The following MTUS2 variants were observed in gnomAD, a reference collection of about 807,000 sequenced individuals.
MTUS2 encodes microtubule-associated tumor suppressor candidate 2.
A neutral mutation model predicts 114.1 loss-of-function variants in MTUS2; 40 were observed. The observed-to-expected ratio is 0.35, with a 90% CI of 0.27 to 0.46. The LOEUF (loss-of-function observed/expected upper bound fraction) is 0.46. Ranked by LOEUF, MTUS2 falls within the 20% of genes least tolerant of loss-of-function variation. The probability of loss-of-function intolerance (pLI) is 1.00; values close to 1 mark genes in which losing one functional copy is unlikely to be tolerated. For synonymous variants in MTUS2, 688 were observed against 672.0 expected (o/e 1.02, Z -0.37); for missense variants, 1,679 against 1,705.4 (o/e 0.98, Z 0.27).
chr13:29,056,948 A>G (rs1354486559), intron 4 of MTUS2, among the ~76,000 whole-genome samples: 1 of 151,884 alleles, frequency 6.6e-6, no homozygotes, highest in Non-Finnish European at 1.5e-5. Context: ...GGTCTTTAGC[A>G]CTGTACATTT....
chr13:29,450,117 A>G (rs746886038), intron 9 of MTUS2, among the ~76,000 whole-genome samples: 1 of 152,216 alleles, frequency 6.6e-6, no homozygotes, highest in Non-Finnish European at 1.5e-5. Flanking sequence ...GGAATGAACA[A>G]AGAAGCAGAG....
intron 4 of MTUS2, among the ~76,000 whole-genome samples, chr13:29,049,830 C>G (rs775653285): frequency 2.0e-5 from 3 of 152,208 alleles, no homozygotes; most frequent in Non-Finnish European, 4.4e-5. Flanking sequence ...TTACAATAGT[C>G]AACCAGTGAG....
At chr13:28,886,048 A>T (rs1419274330) in intron 2 of MTUS2, among the ~76,000 whole-genome samples, 1 of 152,082 alleles carries the variant, frequency 6.6e-6, no homozygotes, top group Non-Finnish European at 1.5e-5. Flanking sequence ...CAAGCCCCAG[A>T]TTGGAATGTG....
chr13:29,368,554 T>C (rs560846313), intron 8 of MTUS2, among the ~76,000 whole-genome samples: 6 of 152,300 alleles, frequency 3.9e-5, no homozygotes, highest in East Asian at 1.9e-4. Flanking sequence ...AATTCCCTGA[T>C]TGGATCATTA....
intron 4 of MTUS2, among the ~76,000 whole-genome samples, chr13:29,092,418 G>A (rs1348706807): frequency 2.6e-5 from 4 of 152,178 alleles, no homozygotes; most frequent in Non-Finnish European, 5.9e-5. Flanking sequence ...CGCTGGGTGG[G>A]TGACCACTTG....
intron 5 of MTUS2, among the ~76,000 whole-genome samples, chr13:29,168,034 A>C (rs1240132308): frequency 6.6e-6 from 1 of 152,246 alleles, no homozygotes; most frequent in African/African-American, 2.4e-5. Flanking sequence ...AAATTATATC[A>C]GCTGACATTT....
rs547368740 is a variant in MTUS2, at chr13:29,176,454, T to C, written c.2644+75484T>C. Among the ~76,000 whole-genome samples the C allele has an allele frequency of 7.4e-4, 112 of 152,284 alleles. 1 individual carries two copies. In the Middle Eastern group the frequency reaches 0.014, roughly 18 times the overall value. On this transcript the variant is annotated intron_variant, in intron 5 of 15. Transcript: ENST00000612955. ...TGGAGCAGGTGCTATCTCGTGCGGC[T>C]CACAGAGCCTGTCCAGGGTCTTAGT...
At chr13:29,154,718 T>G (rs1387033624) in intron 5 of MTUS2, among the ~76,000 whole-genome samples, 1 of 152,226 alleles carries the variant, frequency 6.6e-6, no homozygotes, top group Non-Finnish European at 1.5e-5. Flanking sequence ...TTTGACAGAT[T>G]TATACCTCTT....
Position 29,101,053 on chromosome 13 carries a change from T to C in MTUS2, c.2644+83T>C, listed in dbSNP as rs1890398612. Reference sequence around the variant, plus strand: ...GTAACTGTGTGTCATTTTCTTTGCATGATTATTTAAGAATTTGCATCACCT... The same window carrying C: ...GTAACTGTGTGTCATTTTCTTTGCACGATTATTTAAGAATTTGCATCACCT... On this transcript the variant is annotated intron_variant, in intron 5 of 15. Transcript: ENST00000612955. The C allele has an allele frequency of 2.2e-6, 3 of 1,370,862 alleles. No homozygotes were observed. In the East Asian group the frequency reaches 7.6e-5, roughly 35 times the overall value. 84.9% of individuals were successfully genotyped at this position (1,370,862 alleles called of 1,614,324 possible). A position where few individuals can be genotyped will look rare whatever the true frequency, so the allele number is the denominator to read the frequency against.
chr13:29,350,098 T>C (rs1334891078), intron 7 of MTUS2, among the ~76,000 whole-genome samples: 2 of 152,108 alleles, frequency 1.3e-5, no homozygotes, highest in Non-Finnish European at 2.9e-5. Context: ...ATAGTTTCTC[T>C]TGCTATATCT....
intron 2 of MTUS2, among the ~76,000 whole-genome samples, chr13:28,848,106 A>G (rs1343150550): frequency 6.6e-6 from 1 of 150,664 alleles, no homozygotes; most frequent in Non-Finnish European, 1.5e-5. Context: ...GTTCAGGGAT[A>G]TATATATATA....
chr13:28,945,194 T>TATATATATACACAC (rs1555276495), intron 2 of MTUS2, among the ~76,000 whole-genome samples: 1 of 151,000 alleles, frequency 6.6e-6, no homozygotes, highest in African/African-American at 2.5e-5. Flanking sequence ...TATATATATA[T>TATATATATACACAC]ACACCACATT....
At chr13:29,429,769 G>A (rs1482546537) in intron 8 of MTUS2, among the ~76,000 whole-genome samples, 5 of 152,170 alleles carry the variant, frequency 3.3e-5, no homozygotes, top group African/African-American at 9.7e-5. Flanking sequence ...TCCTACTCAT[G>A]TGGACATCAG....
chr13:29,034,016 A>G lies in MTUS2; in HGVS notation c.2337A>G (p.Pro779=), dbSNP rs1437530451. 3.7e-6 allele frequency: 6 copies of G among 1,613,976 alleles called. No homozygotes were observed. Among genetic ancestry groups the G allele is most frequent in the South Asian group, 1.1e-5 (1 of 91,070 alleles). Residue 779 remains proline, a synonymous_variant, in exon 4 of 16, where the codon CCA becomes CCG. Coordinates refer to ENST00000612955, the MANE Select transcript of MTUS2 (RefSeq NM_001033602.4). ...GATTGGGTGCAATGTCCCGTTTACC[A>G]TCTGCAAAGAGCAGGATTCTGATTG... The part of the protein sequence containing the change: ...QLGLGAMSRL[P]SAKSRILIAS...
At chr13:29,225,553 A>G (rs1009996993) in intron 5 of MTUS2, among the ~76,000 whole-genome samples, 1 of 152,216 alleles carries the variant, frequency 6.6e-6, no homozygotes, top group African/African-American at 2.4e-5. Flanking sequence ...TTTAAGAAAG[A>G]TGATTAGAAA....
At chr13:29,294,805 A>G (rs1898870537) in intron 6 of MTUS2, among the ~76,000 whole-genome samples, 1 of 152,250 alleles carries the variant, frequency 6.6e-6, no homozygotes, top group African/African-American at 2.4e-5. Context: ...GATCAGTCAC[A>G]CATACACACA....
chr13:29,442,672 T>C (rs1877979135), intron 9 of MTUS2, among the ~76,000 whole-genome samples: 1 of 149,426 alleles, frequency 6.7e-6, no homozygotes, highest in Admixed American at 6.7e-5. Flanking sequence ...TCGGAAGTAT[T>C]GATAGAAGAA....
In MTUS2 at chr13:29,375,558, C is replaced by T. The variant is rs1190808802; in HGVS notation, c.3117+16085C>T. On this transcript the variant is annotated intron_variant, in intron 8 of 15. Coordinates refer to ENST00000612955, the MANE Select transcript of MTUS2 (RefSeq NM_001033602.4). ...ATATACGTGTATATATATATATATA[C>T]GTATATATATATATACATATATATA... Among the ~76,000 whole-genome samples the T allele has an allele frequency of 1.4e-3, 5 of 3,500 alleles. No individual in the cohort carries two copies. In the East Asian group the frequency reaches 0.025, roughly 18 times the overall value. The allele number at this position is 3,500 out of a possible 152,430, so 2.3% of individuals were successfully genotyped here.
intron 12 of MTUS2, among the ~76,000 whole-genome samples, chr13:29,493,322 C>T (rs544149551): frequency 1.1e-4 from 16 of 152,208 alleles, no homozygotes; most frequent in South Asian, 4.2e-4. Context: ...TTACAGAGAC[C>T]GAGGTAGCTG....
Sources: allele counts gnomAD v4.1 joint callset (sites outside exome capture counted in the v4.1 genomes callset), GRCh38; gene constraint gnomAD v4.1.1; transcripts MANE v1.5; gene names NCBI Gene and HGNC (gene_info 2026-07-23, HGNC 2026-07-21).